B3GALT1: variants seen among roughly 807,000 people sequenced by gnomAD.
B3GALT1 encodes the protein UDP-Gal:betaGlcNAc beta 1,3-galactosyltransferase, polypeptide 1.
In B3GALT1, 10 loss-of-function variants were observed where a neutral mutation model predicts 23.2. The observed-to-expected ratio is 0.43, with a 90% CI of 0.27 to 0.73. The LOEUF (loss-of-function observed/expected upper bound fraction) is 0.73. Ranked by LOEUF, B3GALT1 falls within the 30% of genes least tolerant of loss-of-function variation. The probability of loss-of-function intolerance (pLI) is 0.21; values close to 1 mark genes in which losing one functional copy is unlikely to be tolerated. For synonymous variants in B3GALT1, 156 were observed against 141.5 expected, an observed-to-expected ratio of 1.10 and a Z score of -0.73; for missense variants, 299 against 405.4, an observed-to-expected ratio of 0.74 and a Z score of 2.25.
intron 4 of B3GALT1, among the ~76,000 whole-genome samples, chr2:167,851,572 G>T (rs1268588390): frequency 6.6e-6 from 1 of 152,182 alleles, no homozygotes; most frequent in Non-Finnish European, 1.5e-5. Context: ...GATGAACATT[G>T]TTTAACTCGT....
At chr2:167,794,301 A>T (rs911803631) in intron 3 of B3GALT1, among the ~76,000 whole-genome samples, 3 of 152,264 alleles carry the variant, frequency 2.0e-5, no homozygotes, top group African/African-American at 4.8e-5. Flanking sequence ...GTTTTATTCA[A>T]ATAAGTCTGG....
chr2:167,340,317 A>G (rs1286486644), intron 1 of B3GALT1, among the ~76,000 whole-genome samples: 1 of 150,586 alleles, frequency 6.6e-6, no homozygotes, highest in Admixed American at 6.6e-5. Context: ...CAGGGAGAAA[A>G]AAAAAAAAAA....
chr2:167,711,889 G>C (rs757598252), intron 3 of B3GALT1, among the ~76,000 whole-genome samples: 1 of 152,158 alleles, frequency 6.6e-6, no homozygotes, highest in Non-Finnish European at 1.5e-5. Context: ...GATTGCTTCA[G>C]CTGGGGAGGT....
intron 2 of B3GALT1, among the ~76,000 whole-genome samples, chr2:167,617,721 T>A (rs561049846): frequency 1.8e-4 from 27 of 152,080 alleles, no homozygotes; most frequent in African/African-American, 6.5e-4. Flanking sequence ...AAGTTTTAAA[T>A]CCTTAAAAAT....
At chr2:167,842,192 G>T (rs1689665579) in intron 4 of B3GALT1, among the ~76,000 whole-genome samples, 1 of 152,242 alleles carries the variant, frequency 6.6e-6, no homozygotes, top group South Asian at 2.1e-4. Context: ...AACACATGAG[G>T]TCTCTCCAGT....
intron 3 of B3GALT1, among the ~76,000 whole-genome samples, chr2:167,727,946 T>G (rs1687346111): frequency 6.6e-6 from 1 of 152,218 alleles, no homozygotes; most frequent in Non-Finnish European, 1.5e-5. Flanking sequence ...GAGTCCTTCA[T>G]GTTGTCTGAA....
At chr2:167,851,436 A>G (rs1029634812) in intron 4 of B3GALT1, among the ~76,000 whole-genome samples, 2 of 152,236 alleles carry the variant, frequency 1.3e-5, no homozygotes, top group African/African-American at 2.4e-5. Flanking sequence ...TGACACCCCA[A>G]ACTGTCTTCT....
At chr2:167,711,403 T>C (rs1220892101) in intron 3 of B3GALT1, among the ~76,000 whole-genome samples, 1 of 152,190 alleles carries the variant, frequency 6.6e-6, no homozygotes, top group Admixed American at 6.5e-5. Flanking sequence ...TGAATGTTTT[T>C]AGAATGAACA....
intron 2 of B3GALT1, among the ~76,000 whole-genome samples, chr2:167,491,483 C>G (rs368480486): frequency 2.5e-5 from 3 of 122,024 alleles, no homozygotes; most frequent in African/African-American, 9.3e-5. Flanking sequence ...TTTACTTTTG[C>G]TTTTTTTTTT....
At chr2:167,820,439 GA>G (rs1689081157) in intron 4 of B3GALT1, among the ~76,000 whole-genome samples, 1 of 152,146 alleles carries the variant, frequency 6.6e-6, no homozygotes, top group African/African-American at 2.4e-5. Flanking sequence ...GTTGTGAGTA[GA>G]AAGGATCTAT....
At chr2:167,388,126 G>A (rs1469202130) in intron 1 of B3GALT1, among the ~76,000 whole-genome samples, 1 of 152,166 alleles carries the variant, frequency 6.6e-6, no homozygotes, top group East Asian at 1.9e-4. Context: ...GAGACCTTCG[G>A]AGGCATTAGA....
At chr2:167,724,966 C>T (rs1207990279) in intron 3 of B3GALT1, among the ~76,000 whole-genome samples, 3 of 152,152 alleles carry the variant, frequency 2.0e-5, no homozygotes, top group Non-Finnish European at 4.4e-5. Context: ...AGAACATGAC[C>T]ACTGGAGAAC....
At chr2:167,652,144 A>G (rs1685880499) in intron 3 of B3GALT1, among the ~76,000 whole-genome samples, 1 of 152,190 alleles carries the variant, frequency 6.6e-6, no homozygotes, top group African/African-American at 2.4e-5. Context: ...CAGAGGCTGT[A>G]CCCAGCACAA....
chr2:167,501,257 ATTTG>A (rs1699844209), intron 2 of B3GALT1, among the ~76,000 whole-genome samples: 1 of 152,014 alleles, frequency 6.6e-6, no homozygotes, highest in African/African-American at 2.4e-5. Context: ...TTGGGGCAAA[ATTTG>A]TTTTTTTCTT....
At chr2:167,575,207 A>C (rs923731742) in intron 2 of B3GALT1, among the ~76,000 whole-genome samples, 5 of 151,832 alleles carry the variant, frequency 3.3e-5, no homozygotes, top group African/African-American at 1.2e-4. Flanking sequence ...TGGCTAAAAT[A>C]AAACATTGCT....
chr2:167,666,367 C>T (rs1686188127), intron 3 of B3GALT1, among the ~76,000 whole-genome samples: 1 of 152,048 alleles, frequency 6.6e-6, no homozygotes, highest in Non-Finnish European at 1.5e-5. Context: ...GCTTTACTTC[C>T]AACTATGTGG....
At chr2:167,810,706 G>A (rs836713) in intron 3 of B3GALT1, among the ~76,000 whole-genome samples, 1 of 149,048 alleles carries the variant, frequency 6.7e-6, no homozygotes, top group Non-Finnish European at 1.5e-5. Context: ...CTGCATGCCC[G>A]ACACAAAGAA....
At chr2:167,738,673 A>G (rs1157202964) in intron 3 of B3GALT1, among the ~76,000 whole-genome samples, 1 of 152,198 alleles carries the variant, frequency 6.6e-6, no homozygotes, top group East Asian at 1.9e-4. Flanking sequence ...CAGGGTTACA[A>G]TTCAAAACTG....
intron 2 of B3GALT1, among the ~76,000 whole-genome samples, chr2:167,511,009 T>C (rs1244519910): frequency 1.3e-5 from 2 of 152,180 alleles, no homozygotes; most frequent in East Asian, 3.8e-4. Context: ...AGTAAAATAT[T>C]AATCATGATC....
Sources: gnomAD v4.1 joint callset for allele counts (sites outside exome capture counted in the v4.1 genomes callset) on GRCh38, gnomAD v4.1.1 for gene constraint, MANE v1.5 for transcripts, NCBI Gene and HGNC (gene_info 2026-07-23, HGNC 2026-07-21) for gene names.